Variants in STIM1 observed in about 807,000 individuals in gnomAD.
STIM1 encodes the protein stromal interaction molecule 1.
STIM1 carries 25 observed loss-of-function variants against 74.7 expected under a neutral mutation model. That is an observed-to-expected ratio of 0.33 (90% CI 0.24 to 0.47). STIM1 has a LOEUF of 0.47. STIM1 is among the 20% of genes least tolerant of loss of function. The pLI is 1.00. For synonymous variants in STIM1, 328 were observed against 348.8 expected (o/e 0.94, Z 0.66); for missense variants, 728 against 920.8 (o/e 0.79, Z 2.71).
chr11:4,063,871 A>G (rs2094348504), intron 5 of STIM1, among the ~76,000 whole-genome samples: 1 of 152,224 alleles, frequency 6.6e-6, no homozygotes, highest in Admixed American at 6.5e-5. Flanking sequence ...GTGACATTTT[A>G]TGATTTTTGG....
chr11:3,969,450 C>T (rs988941368), intron 2 of STIM1, among the ~76,000 whole-genome samples: 1 of 152,130 alleles, frequency 6.6e-6, no homozygotes, highest in African/African-American at 2.4e-5. Context: ...CCATTGCACT[C>T]CAGCCTGGGC....
At chr11:4,009,547 G>T (rs949971061) in intron 2 of STIM1, among the ~76,000 whole-genome samples, 1 of 151,874 alleles carries the variant, frequency 6.6e-6, no homozygotes, top group Non-Finnish European at 1.5e-5. Context: ...GGCAGAGGTT[G>T]CAGTGAGCTG....
chr11:3,910,355 C>A (rs1474361872), intron 1 of STIM1, among the ~76,000 whole-genome samples: 1 of 152,152 alleles, frequency 6.6e-6, no homozygotes, highest in Non-Finnish European at 1.5e-5. Flanking sequence ...TCTGGCGTAT[C>A]CATCTGAGCA....
At position 4,091,250 on chromosome 11, in the gene STIM1, C is replaced by A. The variant is rs200290749; in HGVS notation, c.1635-32C>A. 7 of 1,613,638 alleles carry A rather than the reference C, an allele frequency of 4.3e-6. No individual in the cohort carries two copies. In the African/African-American group the frequency reaches 6.7e-5, roughly 15 times the overall value. ...CCCTATCACCTCATCCAATATATGT[C>A]CCTTTCTTCCTCTCTGCCCCATGTC... On this transcript the variant is annotated intron_variant, in intron 12 of 12. Coordinates refer to ENST00000526596, the MANE Select transcript of STIM1 (RefSeq NM_001382567.1).
intron 1 of STIM1, among the ~76,000 whole-genome samples, chr11:3,932,525 G>A (rs971511669): frequency 3.9e-5 from 6 of 152,076 alleles, no homozygotes; most frequent in Admixed American, 3.9e-4. Context: ...AGCCGGGCGT[G>A]GTGGCGGGCA....
chr11:3,874,292 C>T (rs970325381), intron 1 of STIM1, among the ~76,000 whole-genome samples: 4 of 152,110 alleles, frequency 2.6e-5, no homozygotes, highest in African/African-American at 9.7e-5. Flanking sequence ...ATTTCTATTG[C>T]CCTGGAGTAT....
intron 2 of STIM1, among the ~76,000 whole-genome samples, chr11:4,005,231 A>G (rs1349401715): frequency 2.0e-5 from 3 of 152,116 alleles, no homozygotes; most frequent in Admixed American, 6.6e-5. Context: ...TCCCATTACT[A>G]GGTATACACC....
intron 10 of STIM1, 44 bp from the exon 11 acceptor site, chr11:4,084,629 T>A (rs374997812): frequency 3.2e-5 from 41 of 1,282,362 alleles, no homozygotes; most frequent in African/African-American, 2.6e-4. Context: ...AAGCCCTCCA[T>A]AAATCAGATT....
intron 2 of STIM1, among the ~76,000 whole-genome samples, chr11:3,998,122 C>G (rs959965256): frequency 1.3e-5 from 2 of 152,122 alleles, no homozygotes; most frequent in African/African-American, 4.8e-5. Flanking sequence ...GACAGGAGAG[C>G]TTATTTTGTG....
rs1020325972 is a variant in STIM1, at chr11:4,057,757, C to G, written c.498-1524C>G. Among the ~76,000 whole-genome samples, 3 of 151,874 alleles carry G rather than the reference C, an allele frequency of 2.0e-5. No homozygotes were observed. In the South Asian group the frequency reaches 6.2e-4, roughly 31 times the overall value. On this transcript the variant is annotated intron_variant, in intron 4 of 12. Coordinates refer to ENST00000526596, the MANE Select transcript of STIM1 (RefSeq NM_001382567.1). Reference sequence around the variant, plus strand: ...TGGTGGCAGGTGCCTGTAGTCCCAGCTACTCGGGAGGCTGAGGCAGGAGAA... The same window carrying G: ...TGGTGGCAGGTGCCTGTAGTCCCAGGTACTCGGGAGGCTGAGGCAGGAGAA...
chr11:3,970,750 T>TA (rs199655639), intron 2 of STIM1, among the ~76,000 whole-genome samples: 23 of 151,182 alleles, frequency 1.5e-4, no homozygotes, highest in African/African-American at 3.9e-4. Context: ...GCAAAAAAAC[T>TA]AAAAAAAAAG....
intron 1 of STIM1, among the ~76,000 whole-genome samples, chr11:3,959,463 C>A (rs2093260772): frequency 6.6e-6 from 1 of 152,098 alleles, no homozygotes; most frequent in Admixed American, 6.6e-5. Flanking sequence ...ATTTAGCCAG[C>A]ACATACTGAT....
intron 2 of STIM1, among the ~76,000 whole-genome samples, chr11:4,010,279 T>C (rs1449311740): frequency 6.6e-6 from 1 of 151,882 alleles, no homozygotes; most frequent in Non-Finnish European, 1.5e-5. Flanking sequence ...TAAGCAATTG[T>C]TGTGCCTCAG....
At chr11:3,958,786 A>G (rs374034411) in intron 1 of STIM1, among the ~76,000 whole-genome samples, 52 of 152,082 alleles carry the variant, frequency 3.4e-4, no homozygotes, top group African/African-American at 1.2e-3. Flanking sequence ...CCTGGCCAAC[A>G]TGGTGAAACC....
At chr11:3,895,687 TTTC>T (rs1565104972) in intron 1 of STIM1, among the ~76,000 whole-genome samples, 9 of 26,944 alleles carry the variant, frequency 3.3e-4, no homozygotes, top group South Asian at 2.7e-3. Flanking sequence ...TCCTTCCTTC[TTTC>T]TTTCTTTCTT....
In STIM1 at chr11:4,037,061, C is replaced by CT. The variant is rs369934998; in HGVS notation, c.385+13086dup. Among the ~76,000 whole-genome samples, 1,011 of 145,282 alleles carry CT rather than the reference C, an allele frequency of 7.0e-3. 6 individuals are homozygous for CT. Among genetic ancestry groups the CT allele is most frequent in the South Asian group, 0.013 (60 of 4,604 alleles). ...TTTCCTTTCTTTTCTTTCTTTCTTT[C>CT]TTTTTTTTTTTTGAGATGGAGTCTC... On this transcript the variant is annotated intron_variant, in intron 3 of 12. Transcript: ENST00000526596.
chr11:4,065,252 T>C (rs1251671931), intron 5 of STIM1, among the ~76,000 whole-genome samples: 6 of 152,152 alleles, frequency 3.9e-5, no homozygotes, highest in South Asian at 2.1e-4. Flanking sequence ...TCCTTCTTCA[T>C]TGGCTCAGAA....
intron 1 of STIM1, among the ~76,000 whole-genome samples, chr11:3,881,350 T>A (rs1161586838): frequency 1.3e-5 from 2 of 152,044 alleles, no homozygotes; most frequent in Non-Finnish European, 2.9e-5. Flanking sequence ...TATGATCTAT[T>A]GATCATATGA....
chr11:4,086,791 A>C, intron 12 of STIM1: 1 of 1,536,536 alleles, frequency 6.5e-7, no homozygotes, highest in Non-Finnish European at 8.7e-7. Flanking sequence ...TTTCCTCCAG[A>C]TGGAGCCCTA....
Sources: gnomAD v4.1 joint callset for allele counts (sites outside exome capture counted in the v4.1 genomes callset) on GRCh38, gnomAD v4.1.1 for gene constraint, MANE v1.5 for transcripts, NCBI Gene and HGNC (gene_info 2026-07-23, HGNC 2026-07-21) for gene names.